The following LGR6 variants were observed in gnomAD, a reference collection of about 807,000 sequenced individuals.
The protein encoded by LGR6 is leucine rich repeat containing G protein-coupled receptor 6.
LGR6 carries 45 observed loss-of-function variants against 69.4 expected under a neutral mutation model. The observed-to-expected ratio is 0.65, with a 90% confidence interval of 0.51 to 0.83. The LOEUF (loss-of-function observed/expected upper bound fraction) is 0.83. Ranked by LOEUF, LGR6 falls within the 40% of genes least tolerant of loss-of-function variation. The pLI, the probability that LGR6 is intolerant of heterozygous loss-of-function variation, is 0.00. For missense variants in LGR6, 1,108 were observed against 1,246.7 expected (o/e 0.89, Z 1.68); for synonymous variants, 538 against 555.0 (o/e 0.97, Z 0.43).
At chr1:202,296,401 C>T (rs1416591261) in intron 6 of LGR6, among the ~76,000 whole-genome samples, 1 of 152,164 alleles carries the variant, frequency 6.6e-6, no homozygotes, top group Non-Finnish European at 1.5e-5. Flanking sequence ...TAGGCGATCT[C>T]ATTACGTAAC....
chr1:202,225,471 C>A lies in LGR6; in HGVS notation c.261C>A (p.His87Gln). ...CAGAGCTTCAGCCTGGCCTCTTCCA[C>A]CACCTGCGCTTCTTGGAGGAGCTGT... The part of the protein sequence containing the change: ...NLTELQPGLF[H>Q]HLRFLEELRL... Residue 87 changes from histidine to glutamine, a missense_variant, in exon 2 of 18, where the codon CAC becomes CAA. His to Gln is a conservative substitution (Grantham distance 24, BLOSUM62 0). Coordinates refer to ENST00000367278, the MANE Select transcript of LGR6 (RefSeq NM_001017403.2). The A allele has an allele frequency of 6.2e-7, 1 of 1,614,022 alleles. No individual in the cohort carries two copies. The highest frequency in any genetic ancestry group is 1.1e-5 in the South Asian group (1 of 91,080).
chr1:202,266,126 C>T (rs1359068370), intron 4 of LGR6, among the ~76,000 whole-genome samples: 1 of 150,228 alleles, frequency 6.7e-6, no homozygotes, highest in Non-Finnish European at 1.5e-5. Flanking sequence ...AAAAAAATAA[C>T]AGGCAGCTTC....
At chr1:202,238,071 C>T (rs955312766) in intron 4 of LGR6, among the ~76,000 whole-genome samples, 4 of 151,182 alleles carry the variant, frequency 2.6e-5, no homozygotes, top group African/African-American at 4.9e-5. Context: ...GATCCTCCGC[C>T]GTTTTTTTGT....
At chr1:202,313,959 C>T (rs1653940026) in intron 16 of LGR6, among the ~76,000 whole-genome samples, 1 of 152,122 alleles carries the variant, frequency 6.6e-6, no homozygotes, top group Non-Finnish European at 1.5e-5. Flanking sequence ...AGAGCAGGTC[C>T]ATCTCTTATT....
At chr1:202,288,163 G>A (rs534413202) in intron 6 of LGR6, among the ~76,000 whole-genome samples, 1 of 152,100 alleles carries the variant, frequency 6.6e-6, no homozygotes, top group African/African-American at 2.4e-5. Flanking sequence ...CCTTTTGTCT[G>A]GAATGTTCTT....
At chr1:202,197,983 C>CA (rs1658703690) in intron 1 of LGR6, among the ~76,000 whole-genome samples, 1 of 152,198 alleles carries the variant, frequency 6.6e-6, no homozygotes, top group Non-Finnish European at 1.5e-5. Context: ...TTTTCATCGC[C>CA]CACTGCCACC....
At chr1:202,202,457 C>T (rs971586076) in intron 1 of LGR6, among the ~76,000 whole-genome samples, 2 of 152,200 alleles carry the variant, frequency 1.3e-5, no homozygotes, top group South Asian at 2.1e-4. Context: ...CACCTGGAAG[C>T]GCTGCTATAG....
intron 4 of LGR6, among the ~76,000 whole-genome samples, chr1:202,249,221 A>T (rs1298756385): frequency 6.6e-6 from 1 of 152,094 alleles, no homozygotes; most frequent in Non-Finnish European, 1.5e-5. Flanking sequence ...TCCAGCCCTT[A>T]TCTTATTTGA....
At chr1:202,238,376 G>T (rs1473354112) in intron 4 of LGR6, among the ~76,000 whole-genome samples, 2 of 145,326 alleles carry the variant, frequency 1.4e-5, no homozygotes, top group East Asian at 4.2e-4. Flanking sequence ...CACAGTTCTG[G>T]GATTACAGGA....
chr1:202,202,775 G>C (rs920942003), intron 1 of LGR6, among the ~76,000 whole-genome samples: 1 of 152,202 alleles, frequency 6.6e-6, no homozygotes, highest in Non-Finnish European at 1.5e-5. Context: ...AGAGCTTGCC[G>C]AGAATGAGAC....
intron 9 of LGR6, among the ~76,000 whole-genome samples, chr1:202,301,687 T>C (rs1303674835): frequency 6.6e-6 from 1 of 152,144 alleles, no homozygotes; most frequent in Non-Finnish European, 1.5e-5. Flanking sequence ...CCCTCTCTTA[T>C]TCTCTAATTT....
intron 6 of LGR6, among the ~76,000 whole-genome samples, chr1:202,287,388 C>T (rs1420703506): frequency 1.3e-5 from 2 of 152,080 alleles, no homozygotes; most frequent in Non-Finnish European, 2.9e-5. Context: ...CACCCTAACC[C>T]CTTAACCTTG....
intron 17 of LGR6, among the ~76,000 whole-genome samples, chr1:202,317,491 C>G (rs999837982): frequency 6.6e-6 from 1 of 152,014 alleles, no homozygotes; most frequent in African/African-American, 2.4e-5. Context: ...ACTACATGTG[C>G]GTGCCACCAC....
intron 6 of LGR6, among the ~76,000 whole-genome samples, chr1:202,291,339 T>A (rs1666778718): frequency 6.6e-6 from 1 of 152,188 alleles, no homozygotes; most frequent in South Asian, 2.1e-4. Flanking sequence ...ATGGATGAGT[T>A]TTCCTGCTGA....
intron 4 of LGR6, among the ~76,000 whole-genome samples, chr1:202,239,999 A>G (rs1662037412): frequency 6.6e-6 from 1 of 152,160 alleles, no homozygotes; most frequent in African/African-American, 2.4e-5. Flanking sequence ...GGAGAGGAGA[A>G]GTTGAGCTGA....
chr1:202,205,969 A>AACAC (rs10522754), intron 1 of LGR6, among the ~76,000 whole-genome samples: 32,089 of 149,036 alleles, frequency 0.22, 3,927 homozygotes, highest in East Asian at 0.35. Flanking sequence ...ACAGACACAC[A>AACAC]ACACACACAC....
intron 1 of LGR6, among the ~76,000 whole-genome samples, chr1:202,220,887 T>TCA (rs960245454): frequency 2.5e-4 from 38 of 150,562 alleles, no homozygotes; most frequent in South Asian, 1.0e-3. Flanking sequence ...TCACACACAT[T>TCA]CACACACACA....
chr1:202,205,399 C>G (rs1659146549), intron 1 of LGR6, among the ~76,000 whole-genome samples: 9 of 3,670 alleles, frequency 2.5e-3, no homozygotes, highest in Non-Finnish European at 5.9e-3. Context: ...CTCCTTCAAA[C>G]ACACACACCT....
At chr1:202,307,184 G>A (rs1653300491) in intron 13 of LGR6, 146 bp from the exon 14 acceptor site, 1 of 800,934 alleles carries the variant, frequency 1.2e-6, no homozygotes, top group Non-Finnish European at 2.1e-6. Context: ...CAGGAGCTGG[G>A]CAGCAGCAGG....
Sources: allele counts gnomAD v4.1 joint callset (sites outside exome capture counted in the v4.1 genomes callset), GRCh38; gene constraint gnomAD v4.1.1; transcripts MANE v1.5; gene names NCBI Gene and HGNC (gene_info 2026-07-23, HGNC 2026-07-21).